Variants in CNBD1 observed in about 807,000 individuals in gnomAD.
The protein encoded by CNBD1 is cyclic nucleotide binding domain containing 1.
CNBD1 carries 71 observed loss-of-function variants against 54.4 expected under a neutral mutation model. The ratio of observed to expected loss-of-function variants is 1.30; its 90% CI spans 1.08 to 1.59. The LOEUF is 1.59. Among genes scored for constraint, CNBD1 ranks in the 40% most tolerant of loss-of-function variants. The pLI is 0.00. For synonymous variants in CNBD1, 182 were observed against 170.7 expected (o/e 1.07, Z -0.51); for missense variants, 659 against 518.0 (o/e 1.27, Z -2.64).
At chr8:87,180,843 G>A (rs1425126585) in intron 4 of CNBD1, among the ~76,000 whole-genome samples, 1 of 152,100 alleles carries the variant, frequency 6.6e-6, no homozygotes, top group East Asian at 1.9e-4. Context: ...GCAGAATAGT[G>A]CACTTCAACT....
intron 2 of CNBD1, among the ~76,000 whole-genome samples, chr8:87,411,692 G>A (rs1254776394): frequency 1.4e-5 from 2 of 147,628 alleles, no homozygotes; most frequent in Non-Finnish European, 3.0e-5. Context: ...TATAATAATT[G>A]TATTACACCC....
chr8:86,980,785 C>A (rs141628603), intron 4 of CNBD1, among the ~76,000 whole-genome samples: 458 of 152,262 alleles, frequency 3.0e-3, no homozygotes, highest in Non-Finnish European at 5.0e-3. Flanking sequence ...ATTAGGTAGA[C>A]ATTATTATTT....
chr8:87,390,340 A>G (rs1478688298), intron 2 of CNBD1, among the ~76,000 whole-genome samples: 6 of 152,314 alleles, frequency 3.9e-5, no homozygotes, highest in African/African-American at 1.4e-4. Flanking sequence ...AATTTTTGCA[A>G]TCTACTCATC....
intron 4 of CNBD1, among the ~76,000 whole-genome samples, chr8:87,034,395 G>C (rs977788388): frequency 2.6e-5 from 4 of 152,298 alleles, no homozygotes; most frequent in East Asian, 3.9e-4. Flanking sequence ...GAATCACCTG[G>C]TGTTTTAAGC....
chr8:87,149,685 A>G (rs780097029), intron 4 of CNBD1, among the ~76,000 whole-genome samples: 4 of 152,140 alleles, frequency 2.6e-5, no homozygotes, highest in Non-Finnish European at 4.4e-5. Context: ...AGACTGACCT[A>G]CAGAGCATGA....
intron 1 of CNBD1, among the ~76,000 whole-genome samples, chr8:86,875,741 TA>T (rs540622353): frequency 6.6e-6 from 1 of 151,978 alleles, no homozygotes. Context: ...CTTACCAGCT[TA>T]AAAAAAATAA....
chr8:87,004,567 A>G (rs578043289), intron 4 of CNBD1, among the ~76,000 whole-genome samples: 83 of 151,898 alleles, frequency 5.5e-4, no homozygotes, highest in African/African-American at 2.0e-3. Flanking sequence ...CTGTAATTTT[A>G]CTCTGAAATC....
At chr8:87,329,794 T>C (rs1325627197) in intron 8 of CNBD1, among the ~76,000 whole-genome samples, 1 of 151,994 alleles carries the variant, frequency 6.6e-6, no homozygotes, top group African/African-American at 2.4e-5. Flanking sequence ...CCAGGAAATT[T>C]TTCTCTATTC....
chr8:87,172,445 C>A (rs1008518049), intron 4 of CNBD1, among the ~76,000 whole-genome samples: 1 of 152,030 alleles, frequency 6.6e-6, no homozygotes. Context: ...TCTGGAAGAT[C>A]TGTTCAATGC....
downstream of CNBD1, among the ~76,000 whole-genome samples, chr8:87,384,656 A>T (rs1811148406): frequency 6.6e-6 from 1 of 152,182 alleles, no homozygotes; most frequent in Non-Finnish European, 1.5e-5. Context: ...GGTAGGTATT[A>T]AATAAATGTA....
At chr8:86,949,146 AC>A (rs1199321808) in intron 4 of CNBD1, among the ~76,000 whole-genome samples, 22 of 152,054 alleles carry the variant, frequency 1.4e-4, no homozygotes, top group Admixed American at 1.4e-3. Flanking sequence ...CATTTTGTTT[AC>A]TATAGCTCTG....
At chr8:87,223,645 T>A (rs2130811379) in intron 5 of CNBD1, among the ~76,000 whole-genome samples, 1 of 152,264 alleles carries the variant, frequency 6.6e-6, no homozygotes, top group East Asian at 1.9e-4. Context: ...CTATCATTGT[T>A]GGACATTTGG....
At chr8:87,173,959 TTTA>T (rs145708759) in intron 4 of CNBD1, among the ~76,000 whole-genome samples, 2,663 of 151,404 alleles carry the variant, frequency 0.018, 70 homozygotes, top group African/African-American at 0.061. Flanking sequence ...TATTTATTTA[TTTA>T]TTATTATTAT....
intron 1 of CNBD1, among the ~76,000 whole-genome samples, chr8:86,886,906 T>C (rs1265883872): frequency 1.3e-5 from 2 of 152,292 alleles, no homozygotes; most frequent in South Asian, 2.1e-4. Context: ...TCCATCTAAT[T>C]TGAAGGATGT....
At chr8:87,301,727 AAGTGAT>A (rs1295631161) in intron 8 of CNBD1, among the ~76,000 whole-genome samples, 1 of 152,160 alleles carries the variant, frequency 6.6e-6, no homozygotes, top group African/African-American at 2.4e-5. Flanking sequence ...AGATCAACAA[AAGTGAT>A]AGACCACTAG....
At chr8:86,916,141 C>T (rs1199405327) in intron 3 of CNBD1, among the ~76,000 whole-genome samples, 3 of 152,094 alleles carry the variant, frequency 2.0e-5, no homozygotes, top group African/African-American at 7.2e-5. Flanking sequence ...TTCGGGTCTG[C>T]AGCAACCTCA....
chr8:86,916,087 T>G (rs1415576256), intron 3 of CNBD1, among the ~76,000 whole-genome samples: 3 of 152,094 alleles, frequency 2.0e-5, no homozygotes, highest in African/African-American at 7.2e-5. Flanking sequence ...TTACTTTAAG[T>G]AGGAGGAAGA....
At chr8:87,132,995 C>A (rs996965578) in intron 4 of CNBD1, among the ~76,000 whole-genome samples, 1 of 151,484 alleles carries the variant, frequency 6.6e-6, no homozygotes, top group African/African-American at 2.4e-5. Flanking sequence ...TCTCTTCAAG[C>A]CCACTGTTTT....
intron 4 of CNBD1, among the ~76,000 whole-genome samples, chr8:87,039,567 A>C (rs1659607304): frequency 6.6e-6 from 1 of 152,164 alleles, no homozygotes; most frequent in South Asian, 2.1e-4. Flanking sequence ...AAAAAAATGT[A>C]TGTGTAGCCA....
Sources: allele counts gnomAD v4.1 joint callset (sites outside exome capture counted in the v4.1 genomes callset), GRCh38; gene constraint gnomAD v4.1.1; transcripts MANE v1.5; gene names NCBI Gene and HGNC (gene_info 2026-07-23, HGNC 2026-07-21).